The following DNAH6 variants were observed in gnomAD, a reference collection of about 807,000 sequenced individuals.
DNAH6 encodes axonemal beta dynein heavy chain 6.
DNAH6 carries 340 observed loss-of-function variants against 491.4 expected under a neutral mutation model. That is an observed-to-expected ratio of 0.69 (90% CI 0.63 to 0.76). DNAH6 has a LOEUF of 0.76. DNAH6 is among the 30% of genes least tolerant of loss of function. The probability of loss-of-function intolerance (pLI) is 0.00; values close to 1 mark genes in which losing one functional copy is unlikely to be tolerated. For missense variants in DNAH6, 4,443 were observed against 4,972.2 expected (o/e 0.89, Z 3.20); for synonymous variants, 1,603 against 1,686.1 (o/e 0.95, Z 1.21).
chr2:84,742,151 A>C lies in DNAH6; in HGVS notation c.10343-2929A>C, dbSNP rs368924305. ...GAGGCAGCACGCAATACCTGCATCT[A>C]GTCAGCCATCCTGACCTAAAACCTC... On this transcript the variant is annotated intron_variant, in intron 62 of 76. Transcript: ENST00000389394. Among the ~76,000 whole-genome samples the C allele has an allele frequency of 5.9e-5, 9 of 152,296 alleles. No homozygotes were observed. The East Asian group carries it at 1.4e-3, about 23-fold the overall frequency.
At chr2:84,710,144 C>A in intron 55 of DNAH6, 143 bp from the exon 56 acceptor site, 3 of 1,049,546 alleles carry the variant, frequency 2.9e-6, no homozygotes, top group South Asian at 1.8e-5. Flanking sequence ...TCTTTATTGT[C>A]GGGGGACAGG....
chr2:84,732,233 G>A (rs770207123), intron 61 of DNAH6, among the ~76,000 whole-genome samples: 1 of 151,956 alleles, frequency 6.6e-6, no homozygotes, highest in African/African-American at 2.4e-5. Context: ...TATTCAAGAC[G>A]CCTGGGCCCA....
chr2:84,804,819 A>T (rs985355472), intron 70 of DNAH6, among the ~76,000 whole-genome samples: 4 of 152,062 alleles, frequency 2.6e-5, no homozygotes, highest in African/African-American at 9.7e-5. Flanking sequence ...ATTTATTTTT[A>T]TTTTATTTCC....
At chr2:84,701,647 C>G (rs545664780) in intron 49 of DNAH6, among the ~76,000 whole-genome samples, 3 of 152,168 alleles carry the variant, frequency 2.0e-5, no homozygotes, top group African/African-American at 7.2e-5. Flanking sequence ...AGAGCAGGAG[C>G]AAGAGAGAGA....
Position 84,517,868 on chromosome 2 carries a change from T to C in DNAH6, c.42T>C (p.Asn14=), listed in dbSNP as rs1296054468. The C allele has an allele frequency of 6.4e-7, 1 of 1,551,726 alleles. No homozygotes were observed. Among genetic ancestry groups the C allele is most frequent in the East Asian group, 2.4e-5 (1 of 40,922 alleles). ...CAGATAGTGAATTTGACCTGACAAA[T>C]ATTGAAGAGTATGCCGAAAATTCTG... ...RATDSEFDLT[N]IEEYAENSAL... The change falls in exon 2 of 77, where the codon AAT becomes AAC. Residue 14 remains asparagine (N), a synonymous_variant. Coordinates refer to ENST00000389394, the MANE Select transcript of DNAH6 (RefSeq NM_001370.2).
At chr2:84,523,514 G>T (rs1676334805) in intron 2 of DNAH6, among the ~76,000 whole-genome samples, 2 of 151,704 alleles carry the variant, frequency 1.3e-5, no homozygotes. Context: ...TTGGTTTGCT[G>T]TCACTTTTCT....
At chr2:84,760,708 G>A (rs556123657) in intron 63 of DNAH6, among the ~76,000 whole-genome samples, 1 of 152,218 alleles carries the variant, frequency 6.6e-6, no homozygotes, top group African/African-American at 2.4e-5. Flanking sequence ...CACTCTTTGT[G>A]GGAATGTAAA....
chr2:84,766,178 G>A (rs1675057290), intron 64 of DNAH6, among the ~76,000 whole-genome samples: 1 of 151,254 alleles, frequency 6.6e-6, no homozygotes, highest in African/African-American at 2.5e-5. Flanking sequence ...TTGCAAAATG[G>A]GTAAAAATAT....
At chr2:84,724,403 A>G (rs962559709) in intron 60 of DNAH6, among the ~76,000 whole-genome samples, 4 of 152,162 alleles carry the variant, frequency 2.6e-5, no homozygotes, top group Non-Finnish European at 5.9e-5. Context: ...TTCATACTCT[A>G]TAGCCTGGAA....
rs1283891188 is a variant in DNAH6, at chr2:84,550,023, T to C, written c.1451T>C (p.Ile484Thr). Residue 484 changes from isoleucine (I) to threonine (T), a missense_variant, in exon 9 of 77, where the codon ATT becomes ACT. Transcript: ENST00000389394. ...TCAGCAGATGTCATTCAGAAATGGA[T>C]TACTGAAGAGAAGCCTGAAGTCCCT... Reference protein sequence around the residue: ...TPSADVIQKWITEEKPEVPDK... With the variant: ...TPSADVIQKWTTEEKPEVPDK... 2 of 1,613,772 alleles carry C rather than the reference T, an allele frequency of 1.2e-6. No homozygotes were observed. Among genetic ancestry groups the C allele is most frequent in the Admixed American group, 3.3e-5 (2 of 59,958 alleles).
chr2:84,517,690 G>C (rs1675726259), intron 1 of DNAH6, 129 bp from the exon 2 acceptor site: 2 of 688,918 alleles, frequency 2.9e-6, no homozygotes, highest in Admixed American at 3.2e-5. Flanking sequence ...GGGTAACTTT[G>C]ATGGGTTTTA....
the DNAH6 span, among the ~76,000 whole-genome samples, chr2:84,469,702 A>G: frequency 7.9e-5 from 12 of 152,064 alleles, no homozygotes; most frequent in Non-Finnish European, 1.5e-4. This position sits in a 1 kb window ranked among gnomAD's most constrained non-coding sequence, Gnocchi z 4.0. Flanking sequence ...CAGCTCTCAA[A>G]TTTCTCTTTT....
intron 63 of DNAH6, among the ~76,000 whole-genome samples, chr2:84,746,169 C>T (rs1209139731): frequency 6.6e-6 from 1 of 152,050 alleles, no homozygotes; most frequent in Non-Finnish European, 1.5e-5. Context: ...AAGTAGGAAA[C>T]TGTAGAGAGA....
chr2:84,753,872 C>T (rs544018367), intron 63 of DNAH6, among the ~76,000 whole-genome samples: 74 of 149,898 alleles, frequency 4.9e-4, no homozygotes, highest in Middle Eastern at 3.4e-3. Flanking sequence ...GTCGCCAGGC[C>T]GGAGTGCAGT....
chr2:84,631,234 C>G (rs568313743), intron 29 of DNAH6, among the ~76,000 whole-genome samples: 1 of 152,130 alleles, frequency 6.6e-6, no homozygotes, highest in African/African-American at 2.4e-5. Flanking sequence ...TGAAAACACA[C>G]AAGAATGCTG....
chr2:84,592,983 G>A (rs893444914), intron 16 of DNAH6, among the ~76,000 whole-genome samples: 1 of 152,032 alleles, frequency 6.6e-6, no homozygotes, highest in African/African-American at 2.4e-5. Flanking sequence ...TATGCCAGGT[G>A]AAAAAGTACT....
At chr2:84,747,230 G>A (rs1293892427) in intron 63 of DNAH6, among the ~76,000 whole-genome samples, 1 of 152,102 alleles carries the variant, frequency 6.6e-6, no homozygotes, top group Non-Finnish European at 1.5e-5. Context: ...AAGTTTCAAA[G>A]TCCAAAGTCT....
intron 21 of DNAH6, among the ~76,000 whole-genome samples, chr2:84,611,436 C>G (rs1445719412): frequency 1.3e-5 from 2 of 152,002 alleles, no homozygotes; most frequent in African/African-American, 4.8e-5. Flanking sequence ...TCTCTGGATC[C>G]ATTCTGGTAA....
chr2:84,639,012 G>A (rs1470343374), intron 31 of DNAH6, among the ~76,000 whole-genome samples: 1 of 152,134 alleles, frequency 6.6e-6, no homozygotes, highest in East Asian at 1.9e-4. Context: ...CCATGACCCA[G>A]ACACCTCCCA....
Sources: gnomAD v4.1 joint callset for allele counts (sites outside exome capture counted in the v4.1 genomes callset) on GRCh38, gnomAD v4.1.1 for gene constraint, Gnocchi (gnomAD v3.1) non-coding constraint, MANE v1.5 for transcripts, NCBI Gene and HGNC (gene_info 2026-07-23, HGNC 2026-07-21) for gene names.